Variants in FHIP1A observed in about 807,000 individuals in gnomAD.
FHIP1A encodes the protein FHF complex subunit HOOK-interacting protein 1A.
Under a neutral mutation model 88.6 loss-of-function variants are expected in FHIP1A, and 61 were observed. That is an observed-to-expected ratio of 0.69 (90% CI 0.56 to 0.85). FHIP1A has a LOEUF of 0.85. FHIP1A is among the 40% of genes least tolerant of loss of function. The pLI, the probability that FHIP1A is intolerant of heterozygous loss-of-function variation, is 0.00. For missense variants in FHIP1A, 1,154 were observed against 1,273.5 expected, an observed-to-expected ratio of 0.91 and a Z score of 1.43; for synonymous variants, 478 against 496.0, an observed-to-expected ratio of 0.96 and a Z score of 0.48.
At chr4:151,449,417 A>G (rs1267680295) in intron 1 of FHIP1A, among the ~76,000 whole-genome samples, 1 of 151,890 alleles carries the variant, frequency 6.6e-6, no homozygotes, top group African/African-American at 2.4e-5. Flanking sequence ...CATTATAATT[A>G]TACATATATA....
intron 3 of FHIP1A, among the ~76,000 whole-genome samples, chr4:151,484,947 T>C (rs1407363594): frequency 6.6e-6 from 1 of 152,188 alleles, no homozygotes; most frequent in Non-Finnish European, 1.5e-5. Flanking sequence ...TGTTTCTCTG[T>C]GGCTTCCCTG....
chr4:151,445,622 T>G (rs1296934016), intron 1 of FHIP1A, among the ~76,000 whole-genome samples: 2 of 151,656 alleles, frequency 1.3e-5, no homozygotes, highest in Non-Finnish European at 2.9e-5. Flanking sequence ...ATCCCTCTTA[T>G]CCCATCACCC....
At chr4:151,475,865 G>GTTTT (rs1561511965) in intron 2 of FHIP1A, among the ~76,000 whole-genome samples, 3 of 147,540 alleles carry the variant, frequency 2.0e-5, no homozygotes, top group African/African-American at 2.5e-5. Flanking sequence ...CTCTATTATC[G>GTTTT]ATTTTTTTTT....
chr4:151,433,250 G>A (rs112411920), intron 1 of FHIP1A, among the ~76,000 whole-genome samples: 204 of 151,574 alleles, frequency 1.3e-3, no homozygotes, highest in African/African-American at 4.7e-3. Flanking sequence ...AGAGAGTATT[G>A]AGGAGGCTAC....
chr4:151,474,924 A>T (rs1407647848), intron 2 of FHIP1A, among the ~76,000 whole-genome samples: 2 of 152,212 alleles, frequency 1.3e-5, no homozygotes, highest in African/African-American at 4.8e-5. Context: ...TCTATACAGT[A>T]TTCCTCAGAC....
chr4:151,550,993 A>G (rs1732707128), intron 3 of FHIP1A, among the ~76,000 whole-genome samples: 1 of 152,162 alleles, frequency 6.6e-6, no homozygotes, highest in South Asian at 2.1e-4. Flanking sequence ...ATGGATATGA[A>G]CTGCCCTTAA....
In FHIP1A at chr4:151,664,749, G is replaced by A. The variant is rs1199755040; in HGVS notation, c.*1995G>A. On this transcript the variant is annotated 3_prime_UTR_variant, in exon 14 of 14. Coordinates refer to ENST00000435205, the MANE Select transcript of FHIP1A (RefSeq NM_001109977.3). ...GCACAAGTATTTATCTTCTTGTTTG[G>A]ACTTACAAAGTCATAAAATGCCAAC... Among the ~76,000 whole-genome samples, 6 of 152,160 alleles carry A rather than the reference G, an allele frequency of 3.9e-5. No individual in the cohort carries two copies. Among genetic ancestry groups the A allele is most frequent in the Non-Finnish European group, 8.8e-5 (6 of 68,032 alleles).
intron 3 of FHIP1A, among the ~76,000 whole-genome samples, chr4:151,491,523 A>G (rs1730281281): frequency 6.6e-6 from 1 of 152,202 alleles, no homozygotes; most frequent in African/African-American, 2.4e-5. Flanking sequence ...AACATACACC[A>G]AAATAGAACC....
In FHIP1A at chr4:151,650,394, G is replaced by A; in HGVS notation, c.2353G>A (p.Glu785Lys). 6.4e-7 allele frequency: 1 copy of A among 1,551,746 alleles called. No individual in the cohort carries two copies. The highest frequency in any genetic ancestry group is 1.2e-5 in the South Asian group (1 of 84,054). ...ACCTGATCCCTTGCTTCTCACTAAG[G>A]AGGAAGAAGGGAAGGAAGAGAGTAA... is the stretch of plus-strand genomic sequence containing the variant. Reference protein sequence around the residue: ...PTPDPLLLTKEEEGKEESKGE... With the variant: ...PTPDPLLLTKKEEGKEESKGE... Residue 785 changes from glutamate (E) to lysine (K), a missense_variant, in exon 11 of 14, where the codon GAG (glutamate) becomes AAG (lysine). Coordinates refer to ENST00000435205, the MANE Select transcript of FHIP1A (RefSeq NM_001109977.3).
intron 6 of FHIP1A, among the ~76,000 whole-genome samples, chr4:151,587,355 C>T (rs1162041616): frequency 6.6e-6 from 1 of 151,978 alleles, no homozygotes; most frequent in Non-Finnish European, 1.5e-5. Context: ...AGATTTTTAC[C>T]TTTAGATTTG....
chr4:151,427,561 T>C (rs147579770), intron 1 of FHIP1A, among the ~76,000 whole-genome samples: 113 of 152,262 alleles, frequency 7.4e-4, no homozygotes, highest in African/African-American at 2.7e-3. Flanking sequence ...GTGGTATATG[T>C]GTTCATACAA....
At chr4:151,536,465 A>G (rs1732073372) in intron 3 of FHIP1A, among the ~76,000 whole-genome samples, 3 of 151,816 alleles carry the variant, frequency 2.0e-5, no homozygotes, top group Admixed American at 2.0e-4. Flanking sequence ...CCCTGCCCCC[A>G]TTTTCCCATA....
At chr4:151,572,565 A>C (rs1733636687) in intron 4 of FHIP1A, among the ~76,000 whole-genome samples, 1 of 152,258 alleles carries the variant, frequency 6.6e-6, no homozygotes, top group Non-Finnish European at 1.5e-5. Context: ...GTAATGAACA[A>C]GGACTGTATG....
intron 7 of FHIP1A, among the ~76,000 whole-genome samples, chr4:151,614,791 G>T (rs1487811488): frequency 6.6e-6 from 1 of 152,328 alleles, no homozygotes; most frequent in East Asian, 1.9e-4. Context: ...GCTTCTCTGA[G>T]TGGCAGCTTA....
intron 3 of FHIP1A, among the ~76,000 whole-genome samples, chr4:151,514,654 T>C (rs1301422307): frequency 3.3e-5 from 5 of 152,200 alleles, no homozygotes; most frequent in East Asian, 1.9e-4. Flanking sequence ...TACAAACTAC[T>C]ATCAGAGAAT....
intron 3 of FHIP1A, among the ~76,000 whole-genome samples, chr4:151,541,943 G>A (rs1580686962): frequency 2.0e-5 from 3 of 152,270 alleles, no homozygotes; most frequent in Middle Eastern, 3.4e-3. Flanking sequence ...CAAGTAAAAA[G>A]GGGTCCCTGG....
At chr4:151,536,073 T>TG (rs1560754493) in intron 3 of FHIP1A, among the ~76,000 whole-genome samples, 1 of 152,180 alleles carries the variant, frequency 6.6e-6, no homozygotes, top group Non-Finnish European at 1.5e-5. Context: ...GGTGAAAGAA[T>TG]GCACTGTCTG....
chr4:151,554,210 C>T (rs2126750897), intron 3 of FHIP1A, among the ~76,000 whole-genome samples: 1 of 152,300 alleles, frequency 6.6e-6, no homozygotes, highest in Non-Finnish European at 1.5e-5. Flanking sequence ...AGTGTGGTGC[C>T]TGGCACAGAG....
intron 3 of FHIP1A, among the ~76,000 whole-genome samples, chr4:151,488,414 A>G (rs1054922745): frequency 2.0e-5 from 3 of 152,112 alleles, no homozygotes; most frequent in African/African-American, 7.2e-5. Flanking sequence ...TCCTGCATTA[A>G]TTCTCTTAGG....
Sources: gnomAD v4.1 joint callset for allele counts (sites outside exome capture counted in the v4.1 genomes callset) on GRCh38, gnomAD v4.1.1 for gene constraint, MANE v1.5 for transcripts, NCBI Gene and HGNC (gene_info 2026-07-23, HGNC 2026-07-21) for gene names.